Variants in DPYD observed in about 807,000 individuals in gnomAD.
DPYD encodes dihydropyrimidine dehydrogenase [NADP(+)].
Under a neutral mutation model 116.2 loss-of-function variants are expected in DPYD, and 109 were observed. The ratio of observed to expected loss-of-function variants is 0.94; its 90% CI spans 0.80 to 1.10. DPYD has a LOEUF of 1.10. Among genes scored for constraint, DPYD ranks in the 50% least tolerant of loss-of-function variants. The probability of loss-of-function intolerance (pLI) is 0.00; values close to 1 mark genes in which losing one functional copy is unlikely to be tolerated. For missense variants in DPYD, 1,302 were observed against 1,254.5 expected, an observed-to-expected ratio of 1.04 and a Z score of -0.57; for synonymous variants, 440 against 432.0, an observed-to-expected ratio of 1.02 and a Z score of -0.23.
chr1:97,180,151 A>G (rs1557917288), intron 20 of DPYD, among the ~76,000 whole-genome samples: 2 of 151,690 alleles, frequency 1.3e-5, no homozygotes, highest in Admixed American at 6.6e-5. Flanking sequence ...CCCTTTTATT[A>G]TTCCAAACAG....
intron 3 of DPYD, among the ~76,000 whole-genome samples, chr1:97,761,545 G>T (rs1218973454): frequency 6.6e-6 from 1 of 152,116 alleles, no homozygotes; most frequent in Non-Finnish European, 1.5e-5. Flanking sequence ...CAAGGTTGCT[G>T]AGAAAAGGGA....
intron 20 of DPYD, among the ~76,000 whole-genome samples, chr1:97,103,365 C>T (rs987937210): frequency 4.6e-5 from 7 of 151,914 alleles, no homozygotes; most frequent in Admixed American, 4.6e-4. Flanking sequence ...GCTTAATCAC[C>T]GATATAACAG....
At chr1:97,790,579 T>C (rs1667269812) in intron 3 of DPYD, among the ~76,000 whole-genome samples, 1 of 152,216 alleles carries the variant, frequency 6.6e-6, no homozygotes, top group African/African-American at 2.4e-5. Context: ...CTTGAATACA[T>C]TCTATTTTTC....
intron 20 of DPYD, among the ~76,000 whole-genome samples, chr1:97,150,681 G>A (rs1364697272): frequency 6.6e-6 from 1 of 152,146 alleles, no homozygotes; most frequent in Non-Finnish European, 1.5e-5. Context: ...TGCATCATCT[G>A]CTTTCATGAC....
intron 10 of DPYD, among the ~76,000 whole-genome samples, chr1:97,588,636 T>C (rs1292387390): frequency 6.6e-6 from 1 of 152,186 alleles, no homozygotes; most frequent in Non-Finnish European, 1.5e-5. Flanking sequence ...CAGAAAGTAC[T>C]GGAGGGAATT....
intron 3 of DPYD, among the ~76,000 whole-genome samples, chr1:97,778,095 T>C (rs1285980562): frequency 6.9e-6 from 1 of 145,062 alleles, no homozygotes; most frequent in Non-Finnish European, 1.5e-5. Context: ...GAGACGGAGA[T>C]TGCAGTGAGT....
In DPYD at chr1:97,100,997, T is replaced by A. The variant is rs946766500; in HGVS notation, c.2623-2365A>T. On this transcript the variant is annotated intron_variant, in intron 20 of 22. Coordinates refer to ENST00000370192, the MANE Select transcript of DPYD (RefSeq NM_000110.4). ...TTTATAATTAGTCCTAAAGAGAGAA[T>A]CTCAATTTAACATAAAGATTCCTAC... is the stretch of plus-strand genomic sequence containing the variant. Among the ~76,000 whole-genome samples the A allele has an allele frequency of 2.6e-4, 39 of 152,100 alleles. 1 individual carries two copies. The highest frequency in any genetic ancestry group is 9.2e-4 in the African/African-American group (38 of 41,528).
chr1:97,115,808 A>G (rs775780563), intron 20 of DPYD, among the ~76,000 whole-genome samples: 1 of 152,198 alleles, frequency 6.6e-6, no homozygotes, highest in Non-Finnish European at 1.5e-5. Context: ...GAGGATGCAT[A>G]TGTAATGACT....
chr1:97,675,544 G>A (rs1445067703), intron 8 of DPYD, among the ~76,000 whole-genome samples: 1 of 152,096 alleles, frequency 6.6e-6, no homozygotes, highest in African/African-American at 2.4e-5. Flanking sequence ...GACTTTTCAT[G>A]AGCAATATCA....
chr1:97,868,954 T>C (rs1229904798), intron 2 of DPYD, among the ~76,000 whole-genome samples: 3 of 151,804 alleles, frequency 2.0e-5, no homozygotes, highest in African/African-American at 4.8e-5. Context: ...AAACACAAAG[T>C]TGCAAAACTC....
At chr1:97,386,870 CTG>C (rs1334349825) in intron 14 of DPYD, among the ~76,000 whole-genome samples, 6 of 152,012 alleles carry the variant, frequency 3.9e-5, no homozygotes, top group African/African-American at 1.2e-4. Context: ...TAAAAGGACA[CTG>C]GACATAATTT....
intron 3 of DPYD, among the ~76,000 whole-genome samples, chr1:97,742,442 T>C (rs1235586946): frequency 6.6e-6 from 1 of 152,154 alleles, no homozygotes; most frequent in Non-Finnish European, 1.5e-5. Flanking sequence ...CTTTTCATAA[T>C]CAATTGTCCT....
chr1:97,325,151 C>G (rs1668649063), intron 16 of DPYD, among the ~76,000 whole-genome samples: 1 of 151,866 alleles, frequency 6.6e-6, no homozygotes. Context: ...TGCAGAGTAC[C>G]CAAAGGACTG....
At chr1:97,333,800 ATGAGCCACCGCACCCAGC>A (rs1669153054) in intron 16 of DPYD, among the ~76,000 whole-genome samples, 1 of 152,038 alleles carries the variant, frequency 6.6e-6, no homozygotes, top group Non-Finnish European at 1.5e-5. Flanking sequence ...GATTACAGGC[ATGAGCCACCGCACCCAGC>A]TGAATTTTTA....
chr1:97,114,188 A>C (rs889225013), intron 20 of DPYD, among the ~76,000 whole-genome samples: 1 of 152,118 alleles, frequency 6.6e-6, no homozygotes, highest in Non-Finnish European at 1.5e-5. Flanking sequence ...GACTATCACA[A>C]AGAAAGAGAG....
chr1:97,343,013 G>C (rs1427544399), intron 16 of DPYD, among the ~76,000 whole-genome samples: 4 of 151,892 alleles, frequency 2.6e-5, no homozygotes, highest in Admixed American at 6.6e-5. Context: ...AACACTCAAA[G>C]AAACAAACAA....
intron 8 of DPYD, among the ~76,000 whole-genome samples, chr1:97,642,001 A>C (rs1657935605): frequency 6.6e-6 from 1 of 152,196 alleles, no homozygotes; most frequent in Non-Finnish European, 1.5e-5. Flanking sequence ...CTCATTCACA[A>C]CTGCTACAAA....
At position 97,266,764 on chromosome 1, in the gene DPYD, G is replaced by A. The variant is rs140237155; in HGVS notation, c.2300-31770C>T. Among the ~76,000 whole-genome samples, 1,053 of 152,100 alleles carry A rather than the reference G, an allele frequency of 6.9e-3. 23 individuals are homozygous for A. Among genetic ancestry groups the A allele is most frequent in the African/African-American group, 0.024 (991 of 41,494 alleles). ...CTCATCGTTCAATTCCTACCTATGAGTGAGAACATGGGGTGTTTGGTTTTT... is the reference window on the plus strand; with the variant it reads ...CTCATCGTTCAATTCCTACCTATGAATGAGAACATGGGGTGTTTGGTTTTT... On this transcript the variant is annotated intron_variant, in intron 18 of 22. Coordinates refer to ENST00000370192, the MANE Select transcript of DPYD (RefSeq NM_000110.4).
intron 8 of DPYD, among the ~76,000 whole-genome samples, chr1:97,614,368 G>C (rs1001019871): frequency 6.6e-6 from 1 of 152,040 alleles, no homozygotes; most frequent in African/African-American, 2.4e-5. Flanking sequence ...AGTAGATCAA[G>C]TGTTGCCTTA....
Sources: allele counts gnomAD v4.1 joint callset (sites outside exome capture counted in the v4.1 genomes callset), GRCh38; gene constraint gnomAD v4.1.1; transcripts MANE v1.5; gene names NCBI Gene and HGNC (gene_info 2026-07-23, HGNC 2026-07-21).